The following NRXN1 variants were observed in gnomAD, a reference collection of about 807,000 sequenced individuals.
The protein encoded by NRXN1 is neurexin-1.
A neutral mutation model predicts 150.9 loss-of-function variants in NRXN1; 39 were observed. The observed-to-expected ratio is 0.26, with a 90% CI of 0.20 to 0.34. The LOEUF is 0.34. Among genes scored for constraint, NRXN1 ranks in the 10% least tolerant of loss-of-function variants. The probability of loss-of-function intolerance (pLI) is 1.00; values close to 1 mark genes in which losing one functional copy is unlikely to be tolerated. For missense variants in NRXN1, 1,815 were observed against 1,949.9 expected (o/e 0.93, Z 1.30); for synonymous variants, 924 against 757.0 (o/e 1.22, Z -3.62).
intron 2 of NRXN1, among the ~76,000 whole-genome samples, chr2:51,017,520 T>C (rs1486524825): frequency 7.2e-6 from 1 of 138,916 alleles, no homozygotes; most frequent in Non-Finnish European, 1.6e-5. Context: ...TTTTTTTTTT[T>C]TTTTTTTTTT....
At chr2:50,323,824 G>A (rs2076206377) in intron 17 of NRXN1, among the ~76,000 whole-genome samples, 1 of 152,060 alleles carries the variant, frequency 6.6e-6, no homozygotes, top group Non-Finnish European at 1.5e-5. Flanking sequence ...CATAGGAAAC[G>A]ACAAGTTGAC....
At chr2:50,429,781 G>A (rs549134097) in intron 17 of NRXN1, among the ~76,000 whole-genome samples, 1 of 152,092 alleles carries the variant, frequency 6.6e-6, no homozygotes, top group Admixed American at 6.5e-5. Flanking sequence ...GAGATCATGA[G>A]TTGTGCCCCA....
At chr2:50,249,414 G>A (rs958569253) in intron 17 of NRXN1, among the ~76,000 whole-genome samples, 7 of 151,898 alleles carry the variant, frequency 4.6e-5, no homozygotes, top group Admixed American at 1.3e-4. Flanking sequence ...AAAACAATGC[G>A]GAGACAACAG....
At chr2:50,252,267 T>C (rs1284333225) in intron 17 of NRXN1, among the ~76,000 whole-genome samples, 13 of 139,944 alleles carry the variant, frequency 9.3e-5, no homozygotes, top group Admixed American at 3.6e-4. Context: ...TCTTTTTTTT[T>C]TTTTTTTTTT....
chr2:50,692,504 C>T (rs760038523), intron 5 of NRXN1, among the ~76,000 whole-genome samples: 8 of 151,770 alleles, frequency 5.3e-5, no homozygotes, highest in Non-Finnish European at 1.2e-4. Context: ...CTTTTTAATT[C>T]CCAGACATGT....
chr2:50,384,612 G>A (rs936529425), intron 17 of NRXN1, among the ~76,000 whole-genome samples: 3 of 151,162 alleles, frequency 2.0e-5, no homozygotes, highest in Admixed American at 6.6e-5. Context: ...AATTCTTCAG[G>A]TCTGTAGGTA....
At chr2:50,437,126 G>A (rs1343378226) in intron 17 of NRXN1, among the ~76,000 whole-genome samples, 1 of 152,114 alleles carries the variant, frequency 6.6e-6, no homozygotes, top group East Asian at 1.9e-4. Flanking sequence ...AATATAAAAG[G>A]CTATTTTATT....
intron 2 of NRXN1, among the ~76,000 whole-genome samples, chr2:50,946,020 G>A (rs1310970528): frequency 2.0e-5 from 3 of 150,954 alleles, no homozygotes; most frequent in Admixed American, 6.6e-5. Flanking sequence ...ACTTACTCTG[G>A]AATGACCATA....
At chr2:50,578,256 G>C (rs1204723993) in intron 8 of NRXN1, among the ~76,000 whole-genome samples, 2 of 152,032 alleles carry the variant, frequency 1.3e-5, no homozygotes, top group Non-Finnish European at 2.9e-5. Context: ...TTTTTGATTT[G>C]TTCATAGCAA....
intron 18 of NRXN1, among the ~76,000 whole-genome samples, chr2:50,130,042 T>C (rs73932944): frequency 0.043 from 6,555 of 152,234 alleles, 506 homozygotes; most frequent in African/African-American, 0.15. Context: ...CCATAACTAA[T>C]ATATAAGCAG....
intron 5 of NRXN1, among the ~76,000 whole-genome samples, chr2:50,755,125 C>T (rs988194641): frequency 2.6e-5 from 4 of 151,820 alleles, no homozygotes; most frequent in African/African-American, 9.7e-5. Flanking sequence ...GGCTCCCCGC[C>T]AGAGCCTTCT....
intron 8 of NRXN1, among the ~76,000 whole-genome samples, chr2:50,607,097 G>C (rs773674268): frequency 6.6e-6 from 1 of 152,082 alleles, no homozygotes; most frequent in Admixed American, 6.6e-5. Context: ...ATTCAGTTTA[G>C]GGGAAGATAG....
chr2:50,604,152 C>T (rs1355429341), intron 8 of NRXN1, among the ~76,000 whole-genome samples: 1 of 152,100 alleles, frequency 6.6e-6, no homozygotes, highest in Admixed American at 6.5e-5. Context: ...TCATTTATTC[C>T]TATAAAATGC....
intron 5 of NRXN1, among the ~76,000 whole-genome samples, chr2:50,689,884 G>GTC (rs1691823732): frequency 1.3e-5 from 2 of 151,350 alleles, no homozygotes; most frequent in Admixed American, 1.3e-4. Context: ...GTGTGTGTGT[G>GTC]TGTGTGTGTG....
At chr2:50,965,765 G>C (rs186023614) in intron 2 of NRXN1, among the ~76,000 whole-genome samples, 34 of 151,352 alleles carry the variant, frequency 2.2e-4, no homozygotes, top group African/African-American at 7.5e-4. Context: ...ATAATCAAAA[G>C]AAATAAAGAA....
At chr2:50,838,228 G>T (rs1357572884) in intron 5 of NRXN1, among the ~76,000 whole-genome samples, 1 of 152,056 alleles carries the variant, frequency 6.6e-6, no homozygotes, top group African/African-American at 2.4e-5. Flanking sequence ...ATTATAAACA[G>T]TGTAAAAAAT....
chr2:50,033,827 G>A (rs954908955), intron 21 of NRXN1, among the ~76,000 whole-genome samples: 1 of 151,920 alleles, frequency 6.6e-6, no homozygotes, highest in African/African-American at 2.4e-5. Flanking sequence ...GACATGAACA[G>A]ACAATTTTCA....
chr2:50,494,155 T>C (rs1324117240), intron 15 of NRXN1, among the ~76,000 whole-genome samples: 2 of 152,216 alleles, frequency 1.3e-5, no homozygotes, highest in South Asian at 2.1e-4. Context: ...ATACAATCCA[T>C]TGTCTCACAC....
intron 19 of NRXN1, among the ~76,000 whole-genome samples, chr2:50,077,448 C>CT (rs150078125): frequency 0.037 from 5,611 of 152,192 alleles, 359 homozygotes; most frequent in African/African-American, 0.13. Context: ...TTCTGCCTTT[C>CT]TTTTTTTACT....
Sources: allele counts gnomAD v4.1 joint callset (sites outside exome capture counted in the v4.1 genomes callset), GRCh38; gene constraint gnomAD v4.1.1; transcripts MANE v1.5; gene names NCBI Gene and HGNC (gene_info 2026-07-23, HGNC 2026-07-21).